RAD50: variants seen among roughly 807,000 people sequenced by gnomAD.
The protein encoded by RAD50 is RAD50 double strand break repair protein.
Under a neutral mutation model 168.8 loss-of-function variants are expected in RAD50, and 132 were observed. The observed-to-expected ratio is 0.78, with a 90% CI of 0.68 to 0.90. The LOEUF (loss-of-function observed/expected upper bound fraction) is 0.90, where lower values mean the gene tolerates loss of function less well. Ranked by LOEUF, RAD50 falls within the 40% of genes least tolerant of loss-of-function variation. The pLI is 0.00. For synonymous variants in RAD50, 525 were observed against 497.4 expected (o/e 1.06, Z -0.74); for missense variants, 1,347 against 1,534.4 (o/e 0.88, Z 2.04).
rs368485075 is a variant in RAD50 at position 132,605,768 on chromosome 5, TAACA to T, written c.2718+774_2718+777del. Among the ~76,000 whole-genome samples the T allele has an allele frequency of 5.7e-3, 871 of 152,258 alleles. 9 individuals carry two copies. Among genetic ancestry groups the T allele is most frequent in the African/African-American group, 0.02 (823 of 41,544 alleles). On this transcript the variant is annotated intron_variant, in intron 16 of 24. Coordinates refer to ENST00000378823, the MANE Select transcript of RAD50 (RefSeq NM_005732.4). ...AGCAAATGCAAAAGAACAGAAATCA[TAACA>T]AACAGTCTCTCAGACCACAGTGCAA... is the stretch of plus-strand genomic sequence containing the variant.
chr5:132,593,026 TGAA>T (rs1750732041), intron 11 of RAD50: 2 of 356,178 alleles, frequency 5.6e-6, no homozygotes, highest in Admixed American at 3.2e-5. Context: ...AGTTAGGGCA[TGAA>T]GAAGATGATT....
At position 132,619,941 on chromosome 5, in the gene RAD50, G is replaced by A. The variant is rs570041852; in HGVS notation, c.3389+1647G>A. 3.4e-3 allele frequency among the ~76,000 whole-genome samples: 500 copies of A among 145,130 alleles called. 6 individuals are homozygous for A. Among genetic ancestry groups the A allele is most frequent in the African/African-American group, 0.013 (486 of 37,472 alleles). ...TTTTTTTGAGACGGAGTCTCACTCA[G>A]TCGCCCAGGCTGGAGTGCAGTGGCG... On this transcript the variant is annotated intron_variant, in intron 21 of 24. Coordinates refer to ENST00000378823, the MANE Select transcript of RAD50 (RefSeq NM_005732.4).
chr5:132,615,970 A>C (rs1751167060), intron 19 of RAD50, 33 bp from the exon 20 acceptor site: 1 of 1,549,184 alleles, frequency 6.5e-7, no homozygotes, highest in African/African-American at 1.4e-5. Context: ...TAACTTGGTT[A>C]TTTTTGTTAA....
chr5:132,632,617 C>G (rs1470143198), intron 21 of RAD50, among the ~76,000 whole-genome samples: 3 of 152,158 alleles, frequency 2.0e-5, no homozygotes, highest in African/African-American at 7.2e-5. Flanking sequence ...TATTAGAAAG[C>G]TTTTAAATAT....
intron 2 of RAD50, among the ~76,000 whole-genome samples, chr5:132,575,221 G>C (rs1376696080): frequency 6.6e-6 from 1 of 152,202 alleles, no homozygotes; most frequent in Admixed American, 6.5e-5. Flanking sequence ...TCACAATCAT[G>C]GTGGAAGGTA....
rs1751029531 is a variant in RAD50 at position 132,608,704 on chromosome 5, C to T, written c.2808C>T (p.Ser936=). 2 of 1,588,780 alleles carry T rather than the reference C, an allele frequency of 1.3e-6. No individual in the cohort carries two copies. The highest frequency in any genetic ancestry group is 1.7e-5 in the Admixed American group (1 of 58,536). ...AATTAATCAACAAAAAAAATACAAG[C>T]AACAAAATAGCACAGGATAAAGTAA... ...KEELINKKNT[S]NKIAQDKLND... is the part of the protein sequence containing the mutation. The change falls in exon 17 of 25, where the codon AGC becomes AGT. Residue 936 remains serine (S), a synonymous_variant. Transcript: ENST00000378823.
At chr5:132,562,648 A>G (rs1257263753) in intron 2 of RAD50, among the ~76,000 whole-genome samples, 2 of 152,056 alleles carry the variant, frequency 1.3e-5, no homozygotes, top group African/African-American at 4.8e-5. Flanking sequence ...TCCAAAGGAG[A>G]TGTCCAGTTG....
intron 19 of RAD50, among the ~76,000 whole-genome samples, chr5:132,614,187 C>A (rs1751135627): frequency 6.6e-6 from 1 of 152,152 alleles, no homozygotes; most frequent in African/African-American, 2.4e-5. Flanking sequence ...AAAAATCAGT[C>A]TCATCTAAAA....
intron 21 of RAD50, among the ~76,000 whole-genome samples, chr5:132,627,497 T>C (rs1751392349): frequency 1.3e-5 from 2 of 151,992 alleles, no homozygotes; most frequent in African/African-American, 4.8e-5. Flanking sequence ...TGGGACCTGA[T>C]TGATGAGAAG....
In RAD50 at chr5:132,638,121, T is replaced by C. The variant is rs876659574; in HGVS notation, c.3516T>C (p.Asn1172=). 2.5e-6 allele frequency: 4 copies of C among 1,613,926 alleles called. No individual in the cohort carries two copies. Among genetic ancestry groups the C allele is most frequent in the African/African-American group, 2.7e-5 (2 of 74,892 alleles). ...YIEIRSDADE[N]VSASDKRRNY... ...AAATACGGTCTGATGCCGATGAAAATGTATCAGCTTCTGATAAAAGGCGGA... is the reference window on the plus strand; with the variant it reads ...AAATACGGTCTGATGCCGATGAAAACGTATCAGCTTCTGATAAAAGGCGGA... Residue 1172 remains asparagine (N), a synonymous_variant, in exon 23 of 25, where the codon AAT becomes AAC. Transcript: ENST00000378823.
chr5:132,617,867 A>G (rs1328000502), intron 20 of RAD50, among the ~76,000 whole-genome samples: 1 of 152,190 alleles, frequency 6.6e-6, no homozygotes, highest in Non-Finnish European at 1.5e-5. Context: ...TTAGCAACCT[A>G]TGTGCGGCAG....
At chr5:132,612,117 A>C (rs1308294612) in intron 19 of RAD50, among the ~76,000 whole-genome samples, 1 of 152,204 alleles carries the variant, frequency 6.6e-6, no homozygotes, top group Non-Finnish European at 1.5e-5. Flanking sequence ...ACACACCCAA[A>C]TGGCCATCAA....
intron 23 of RAD50, among the ~76,000 whole-genome samples, chr5:132,638,467 T>C (rs1210488735): frequency 6.7e-6 from 1 of 149,984 alleles, no homozygotes. Context: ...AGGCTAAATG[T>C]AGAACAAGAA....
intron 11 of RAD50, among the ~76,000 whole-genome samples, chr5:132,594,201 C>G (rs1439311611): frequency 6.6e-6 from 1 of 152,192 alleles, no homozygotes; most frequent in East Asian, 1.9e-4. Context: ...CATATACATA[C>G]AGCCTACTCC....
intron 12 of RAD50, chr5:132,595,252 A>G: frequency 1.6e-6 from 1 of 612,804 alleles, no homozygotes; most frequent in Non-Finnish European, 2.8e-6. Context: ...ATGAGGACAC[A>G]ACTACCACCT....
chr5:132,579,969 C>T lies in RAD50; in HGVS notation c.659C>T (p.Ala220Val), dbSNP rs2149837999. ...LKYLKQYKEKACEIRDQITSK... is the reference protein window; with the variant it reads ...LKYLKQYKEKVCEIRDQITSK... Reference sequence around the variant, plus strand: ...TATCTGAAGCAATATAAGGAAAAAGCTTGTGAGATTCGTGATCAGATTACA... The same window carrying T: ...TATCTGAAGCAATATAAGGAAAAAGTTTGTGAGATTCGTGATCAGATTACA... The change falls in exon 5 of 25, where the codon GCT becomes GTT. Residue 220 changes from alanine to valine, a missense_variant. By Grantham distance (64) the Ala-to-Val change is moderately conservative (BLOSUM62 0). Around this residue, in one of 3 missense-constraint regions of RAD50, gnomAD observed 703 missense variants for 767.7 expected, o/e 0.92. Transcript: ENST00000378823. 1 of 1,612,440 alleles carries T rather than the reference C, an allele frequency of 6.2e-7. No homozygotes were observed.
At chr5:132,605,854 C>CAA (rs1750976498) in intron 16 of RAD50, among the ~76,000 whole-genome samples, 1 of 152,166 alleles carries the variant, frequency 6.6e-6, no homozygotes, top group Non-Finnish European at 1.5e-5. Context: ...TACAAGGAAA[C>CAA]TGAACAACCT....
intron 2 of RAD50, among the ~76,000 whole-genome samples, chr5:132,569,427 A>G (rs1230882271): frequency 6.6e-6 from 1 of 152,164 alleles, no homozygotes; most frequent in African/African-American, 2.4e-5. Flanking sequence ...TATGATGAGA[A>G]GAGGTCAATT....
intron 11 of RAD50, chr5:132,593,519 C>A (rs373072137): frequency 6.6e-6 from 1 of 152,106 alleles, no homozygotes; most frequent in Non-Finnish European, 1.5e-5. Context: ...TTTAAAAATT[C>A]TATTTTCATT....
Sources: gnomAD v4.1 joint callset for allele counts (sites outside exome capture counted in the v4.1 genomes callset) on GRCh38, gnomAD v4.1.1 for gene constraint, gnomAD v4.1.1 regional missense constraint, MANE v1.5 for transcripts, NCBI Gene and HGNC (gene_info 2026-07-23, HGNC 2026-07-21) for gene names.